The following ADGRB3 variants were observed in gnomAD, a reference collection of about 807,000 sequenced individuals.
ADGRB3 encodes brain-specific angiogenesis inhibitor 3.
ADGRB3 carries 37 observed loss-of-function variants against 193.4 expected under a neutral mutation model. That is an observed-to-expected ratio of 0.19 (90% CI 0.15 to 0.25). The LOEUF is 0.25. ADGRB3 is among the 10% of genes least tolerant of loss of function. ADGRB3 has a pLI of 1.00. For missense variants in ADGRB3, 1,637 were observed against 1,852.9 expected (o/e 0.88, Z 2.14); for synonymous variants, 690 against 644.2 (o/e 1.07, Z -1.08).
chr6:69,206,077 A>G (rs1000622406), intron 17 of ADGRB3, among the ~76,000 whole-genome samples: 2 of 136,276 alleles, frequency 1.5e-5, no homozygotes, highest in African/African-American at 5.5e-5. Flanking sequence ...ATATATATAT[A>G]TGAGTTTATT....
chr6:68,950,806 A>G (rs550002122), intron 6 of ADGRB3, among the ~76,000 whole-genome samples: 3 of 152,324 alleles, frequency 2.0e-5, no homozygotes, highest in African/African-American at 4.8e-5. Context: ...TGGACTACAT[A>G]CAGTATAGTC....
chr6:69,073,425 G>A (rs928366530), intron 16 of ADGRB3, among the ~76,000 whole-genome samples: 2 of 152,026 alleles, frequency 1.3e-5, no homozygotes, highest in South Asian at 2.1e-4. Context: ...CCGGGTTCTT[G>A]TTACATGGCC....
At chr6:69,367,012 C>T (rs1255617168) in intron 29 of ADGRB3, among the ~76,000 whole-genome samples, 5 of 151,974 alleles carry the variant, frequency 3.3e-5, no homozygotes, top group Admixed American at 2.0e-4. Flanking sequence ...TGGGTAATAA[C>T]TATGGAATGA....
intron 28 of ADGRB3, among the ~76,000 whole-genome samples, chr6:69,357,495 A>T (rs993648133): frequency 5.3e-5 from 8 of 152,014 alleles, no homozygotes; most frequent in African/African-American, 1.9e-4. Context: ...ACTGTAGTTA[A>T]AAGAGTTGAA....
rs1770663126 is a variant in ADGRB3 at position 69,031,100 on chromosome 6, T to TCTTCG, written c.2107+12605_2107+12606insGCTTC. On this transcript the variant is annotated intron_variant, in intron 13 of 31. Transcript: ENST00000370598. ...TCTTCTCTTCTCTTCTCTTCTCTTCTCTTCTCTTCTCTTCTCTCTCTTCTC... is the reference window on the plus strand; with the variant it reads ...TCTTCTCTTCTCTTCTCTTCTCTTCTCTTCGCTTCTCTTCTCTTCTCTCTCTTCTC... 1.7e-4 allele frequency among the ~76,000 whole-genome samples: 14 copies of TCTTCG among 83,398 alleles called. 2 individuals carry two copies. The highest frequency in any genetic ancestry group is 6.2e-4 in the African/African-American group (14 of 22,654). 54.7% of individuals were successfully genotyped at this position (83,398 alleles called of 152,430 possible). A position where few individuals can be genotyped will look rare whatever the true frequency, so the allele number is the denominator to read the frequency against.
chr6:68,952,072 T>C (rs1767934857), intron 6 of ADGRB3, among the ~76,000 whole-genome samples: 1 of 152,188 alleles, frequency 6.6e-6, no homozygotes, highest in Non-Finnish European at 1.5e-5. Context: ...CCCTAAAAGA[T>C]AATGCACAAA....
intron 21 of ADGRB3, among the ~76,000 whole-genome samples, chr6:69,326,132 A>G (rs1768563089): frequency 6.6e-6 from 1 of 152,134 alleles, no homozygotes. Context: ...AGTCCCAGCT[A>G]CTCGGGAGGC....
intron 11 of ADGRB3, among the ~76,000 whole-genome samples, chr6:69,008,198 A>G (rs1275976554): frequency 6.6e-6 from 1 of 152,118 alleles, no homozygotes; most frequent in Non-Finnish European, 1.5e-5. Flanking sequence ...TCATCCTTTT[A>G]AATGTATTTG....
At chr6:69,312,982 T>A (rs1768229639) in intron 20 of ADGRB3, among the ~76,000 whole-genome samples, 1 of 151,874 alleles carries the variant, frequency 6.6e-6, no homozygotes, top group African/African-American at 2.4e-5. Flanking sequence ...AAGCAATTTT[T>A]ATAGTAATCC....
chr6:69,353,478 A>C (rs576932073), intron 26 of ADGRB3, among the ~76,000 whole-genome samples: 3 of 152,356 alleles, frequency 2.0e-5, no homozygotes, highest in South Asian at 4.1e-4. Flanking sequence ...ACATAAAAAG[A>C]AACATCCCAA....
intron 3 of ADGRB3, among the ~76,000 whole-genome samples, chr6:68,869,342 G>A (rs1319726736): frequency 6.6e-6 from 1 of 152,062 alleles, no homozygotes; most frequent in Non-Finnish European, 1.5e-5. Flanking sequence ...ATTATTTATA[G>A]AGATTTTCTA....
At chr6:68,800,131 AG>A (rs1767284021) in intron 3 of ADGRB3, among the ~76,000 whole-genome samples, 1 of 152,200 alleles carries the variant, frequency 6.6e-6, no homozygotes, top group African/African-American at 2.4e-5. Context: ...GTCTTGGACT[AG>A]GAAGATAGTG....
Position 69,388,683 on chromosome 6 carries a change from T to A in ADGRB3, c.4381-20T>A. ...CCTGGTCATCACATAAATGACTCTC[T>A]TTCCCTCTCTTCTCAACAGGAAAAC... On this transcript the variant is annotated intron_variant, in intron 31 of 31. Coordinates refer to ENST00000370598, the MANE Select transcript of ADGRB3 (RefSeq NM_001704.3). 1 of 1,605,390 alleles carries A rather than the reference T, an allele frequency of 6.2e-7. No homozygotes were observed.
intron 10 of ADGRB3, among the ~76,000 whole-genome samples, chr6:68,987,133 G>T (rs1357429841): frequency 6.6e-6 from 1 of 152,018 alleles, no homozygotes; most frequent in African/African-American, 2.4e-5. Flanking sequence ...TCACAGTGTT[G>T]CAATGTGAGC....
intron 12 of ADGRB3, among the ~76,000 whole-genome samples, chr6:69,016,114 G>T (rs770927501): frequency 1.3e-5 from 2 of 151,670 alleles, no homozygotes; most frequent in Non-Finnish European, 2.9e-5. Context: ...CGGTCGTTTT[G>T]GTGCGACAAG....
intron 23 of ADGRB3, chr6:69,332,243 T>C (rs996749099): frequency 3.1e-5 from 31 of 985,174 alleles, no homozygotes; most frequent in Non-Finnish European, 3.6e-5. Context: ...ATTTCATGTA[T>C]CATGCAAAAG....
intron 3 of ADGRB3, among the ~76,000 whole-genome samples, chr6:68,859,197 C>T (rs936165174): frequency 6.6e-6 from 1 of 152,194 alleles, no homozygotes; most frequent in Non-Finnish European, 1.5e-5. Flanking sequence ...GATCTTTACT[C>T]CAGTTCCCAA....
intron 17 of ADGRB3, among the ~76,000 whole-genome samples, chr6:69,180,266 A>G (rs1033536871): frequency 6.6e-6 from 1 of 152,160 alleles, no homozygotes; most frequent in Non-Finnish European, 1.5e-5. Context: ...GGTGGCTCAG[A>G]CTATCAGTTT....
chr6:69,353,636 G>A (rs564230072), intron 26 of ADGRB3, among the ~76,000 whole-genome samples: 2 of 152,342 alleles, frequency 1.3e-5, no homozygotes, highest in South Asian at 4.1e-4. Flanking sequence ...CTTCTGGCAA[G>A]AATTATTAGT....
Sources: gnomAD v4.1 joint callset for allele counts (sites outside exome capture counted in the v4.1 genomes callset) on GRCh38, gnomAD v4.1.1 for gene constraint, MANE v1.5 for transcripts, NCBI Gene and HGNC (gene_info 2026-07-23, HGNC 2026-07-21) for gene names.